The following LSM3 variants were observed in gnomAD, a reference collection of about 807,000 sequenced individuals.
LSM3 encodes the protein LSM3 homolog, U6 small nuclear RNA and mRNA degradation associated, also known as U6 snRNA-associated Sm-like protein LSm3.
Under a neutral mutation model 15.4 loss-of-function variants are expected in LSM3, and 14 were observed. That is an observed-to-expected ratio of 0.91 (90% CI 0.60 to 1.42). LSM3 has a LOEUF of 1.42. Ranked by LOEUF, LSM3 falls within the 40% of genes most tolerant of loss-of-function variation. The probability of loss-of-function intolerance (pLI) is 0.00; values close to 1 mark genes in which losing one functional copy is unlikely to be tolerated. For missense variants in LSM3, 88 were observed against 127.9 expected (o/e 0.69, Z 1.50); for synonymous variants, 46 against 45.1 (o/e 1.02, Z -0.08).
At chr3:14,191,934 C>T (rs767271175) in intron 3 of LSM3, among the ~76,000 whole-genome samples, 1 of 152,096 alleles carries the variant, frequency 6.6e-6, no homozygotes, top group Non-Finnish European at 1.5e-5. Context: ...ATAAATTTTC[C>T]TCTAAACACT....
chr3:14,189,257 AAACATACAT>A (rs1697117777), intron 3 of LSM3, among the ~76,000 whole-genome samples: 1 of 152,228 alleles, frequency 6.6e-6, no homozygotes, highest in South Asian at 2.1e-4. Context: ...GTGCCGCAAT[AAACATACAT>A]ATGTATGTGT....
intron 2 of LSM3, among the ~76,000 whole-genome samples, chr3:14,183,372 C>T (rs1400555400): frequency 6.6e-6 from 1 of 152,140 alleles, no homozygotes; most frequent in Non-Finnish European, 1.5e-5. Context: ...TGATTGAGCC[C>T]ACAGGTACTA....
chr3:14,192,606 C>CT (rs993049515), intron 3 of LSM3, among the ~76,000 whole-genome samples: 1 of 152,156 alleles, frequency 6.6e-6, no homozygotes, highest in Admixed American at 6.6e-5. Context: ...GCAACTCCTG[C>CT]TTTTTTTGCT....
intron 3 of LSM3, among the ~76,000 whole-genome samples, chr3:14,190,097 C>A (rs1361403595): frequency 2.0e-5 from 3 of 152,160 alleles, no homozygotes; most frequent in Non-Finnish European, 4.4e-5. Flanking sequence ...TGTCAAAGAT[C>A]AGGTGGTTGT....
intron 1 of LSM3, among the ~76,000 whole-genome samples, chr3:14,180,285 T>C (rs1269454698): frequency 6.6e-6 from 1 of 152,124 alleles, no homozygotes; most frequent in Non-Finnish European, 1.5e-5. Context: ...TTTCCTTTTT[T>C]TTTCTATTCT....
At chr3:14,188,595 C>T (rs1260633533) in intron 3 of LSM3, among the ~76,000 whole-genome samples, 2 of 152,132 alleles carry the variant, frequency 1.3e-5, no homozygotes, top group African/African-American at 2.4e-5. Context: ...TATGCATATG[C>T]TAATGAGTGT....
At chr3:14,192,321 A>G (rs1048688485) in intron 3 of LSM3, among the ~76,000 whole-genome samples, 3 of 152,192 alleles carry the variant, frequency 2.0e-5, no homozygotes, top group Non-Finnish European at 4.4e-5. Flanking sequence ...GCTGAGCTCA[A>G]ATCCTGAATA....
chr3:14,194,775 C>CTT lies in LSM3; in HGVS notation c.229-3235_229-3234dup, dbSNP rs145805608. On this transcript the variant is annotated intron_variant, in intron 3 of 3. Coordinates refer to ENST00000306024, the MANE Select transcript of LSM3 (RefSeq NM_014463.3). Reference sequence around the variant, plus strand: ...TCTCTGATATTGAGTTTATAGCATCCTTTTTTTTTTTTTTTTTTTTTTTTT... The same window carrying CTT: ...TCTCTGATATTGAGTTTATAGCATCCTTTTTTTTTTTTTTTTTTTTTTTTTTT... Among the ~76,000 whole-genome samples, 887 of 88,764 alleles carry CTT rather than the reference C, an allele frequency of 1.0e-2. 41 individuals are homozygous for CTT. Among genetic ancestry groups the CTT allele is most frequent in the African/African-American group, 0.037 (847 of 22,858 alleles). The allele number at this position is 88,764 out of a possible 152,430, so 58.2% of individuals were successfully genotyped here.
chr3:14,188,009 C>T (rs1697104989), intron 3 of LSM3, among the ~76,000 whole-genome samples: 2 of 152,158 alleles, frequency 1.3e-5, no homozygotes, highest in African/African-American at 2.4e-5. Flanking sequence ...GACGTTGTGC[C>T]CTTTTGTAAC....
At chr3:14,197,440 A>C (rs1438446692) in intron 3 of LSM3, among the ~76,000 whole-genome samples, 3 of 152,240 alleles carry the variant, frequency 2.0e-5, no homozygotes, top group African/African-American at 7.2e-5. Flanking sequence ...CTGACCACTA[A>C]GCTCATGCTT....
intron 3 of LSM3, among the ~76,000 whole-genome samples, chr3:14,184,901 C>T (rs1697073636): frequency 6.6e-6 from 1 of 151,590 alleles, no homozygotes; most frequent in African/African-American, 2.4e-5. Flanking sequence ...GCTAAAAATA[C>T]AAAAAATTAG....
chr3:14,199,338 CAG>C lies in LSM3; in HGVS notation c.*1223_*1224del, dbSNP rs1216888097. 1 of 152,200 alleles carries C rather than the reference CAG, an allele frequency of 6.6e-6. No homozygotes were observed. Among genetic ancestry groups the C allele is most frequent in the African/African-American group, 2.4e-5 (1 of 41,444 alleles). The allele number at this position is 152,200 out of a possible 1,614,324, so 9.4% of individuals were successfully genotyped here. ...TACAATCTCTCAAACTTTATCAAGA[CAG>C]GGCTTAGAACCTGACATCCTCCGCT... On this transcript the variant is annotated 3_prime_UTR_variant, in exon 4 of 4. Coordinates refer to ENST00000306024, the MANE Select transcript of LSM3 (RefSeq NM_014463.3).
intron 3 of LSM3, among the ~76,000 whole-genome samples, chr3:14,191,464 T>G (rs1027092585): frequency 3.9e-5 from 6 of 152,164 alleles, no homozygotes; most frequent in Admixed American, 1.3e-4. Flanking sequence ...TTTCAGAATT[T>G]GTATTGGTCT....
intron 3 of LSM3, among the ~76,000 whole-genome samples, chr3:14,195,722 C>T (rs1011890212): frequency 3.9e-5 from 6 of 152,158 alleles, no homozygotes; most frequent in African/African-American, 1.4e-4. Flanking sequence ...TGTAAAGCCA[C>T]ATTCATGGAA....
chr3:14,182,162 C>G (rs954490831), intron 2 of LSM3, among the ~76,000 whole-genome samples: 2 of 152,062 alleles, frequency 1.3e-5, no homozygotes, highest in Non-Finnish European at 2.9e-5. Context: ...CTCTGTGTTG[C>G]CAGCCTGGGC....
At chr3:14,188,853 A>G (rs1408908333) in intron 3 of LSM3, among the ~76,000 whole-genome samples, 2 of 152,036 alleles carry the variant, frequency 1.3e-5, no homozygotes, top group Non-Finnish European at 2.9e-5. Context: ...CATGTGCATA[A>G]CGTGCAGTTT....
intron 3 of LSM3, among the ~76,000 whole-genome samples, chr3:14,197,287 T>C (rs1000060401): frequency 6.6e-6 from 1 of 152,248 alleles, no homozygotes; most frequent in Non-Finnish European, 1.5e-5. Context: ...CAACATCTAC[T>C]AACATTTGGC....
rs1489197983 is a variant in LSM3 at position 14,183,849 on chromosome 3, G to A, written c.133-88G>A. 7.5e-6 allele frequency: 7 copies of A among 938,152 alleles called. No individual in the cohort carries two copies. The African/African-American group carries it at 1.2e-4, about 16-fold the overall frequency. The allele number at this position is 938,152 out of a possible 1,614,324, so 58.1% of individuals were successfully genotyped here. A position where few individuals can be genotyped will look rare whatever the true frequency, so the allele number is the denominator to read the frequency against. The stretch of plus-strand genomic sequence containing the variant: ...GATGTAAGTATCAAATGCCCTAGTT[G>A]TAATTGAGCAATTTGCATATTGTTA... On this transcript the variant is annotated intron_variant, in intron 2 of 3. Transcript: ENST00000306024.
intron 3 of LSM3, among the ~76,000 whole-genome samples, chr3:14,194,179 G>T (rs1254235818): frequency 6.6e-6 from 1 of 152,202 alleles, no homozygotes; most frequent in South Asian, 2.1e-4. Context: ...GAGCTCTTCT[G>T]TATGAGGTGT....
Sources: allele counts gnomAD v4.1 joint callset (sites outside exome capture counted in the v4.1 genomes callset), GRCh38; gene constraint gnomAD v4.1.1; transcripts MANE v1.5; gene names NCBI Gene and HGNC (gene_info 2026-07-23, HGNC 2026-07-21).